TBCD: variants seen among roughly 807,000 people sequenced by gnomAD.
TBCD encodes the protein tubulin-specific chaperone D.
TBCD carries 105 observed loss-of-function variants against 169.3 expected under a neutral mutation model. The ratio of observed to expected loss-of-function variants is 0.62; its 90% CI spans 0.53 to 0.73. The LOEUF (loss-of-function observed/expected upper bound fraction) is 0.73. Ranked by LOEUF, TBCD falls within the 30% of genes least tolerant of loss-of-function variation. The probability of loss-of-function intolerance (pLI) is 0.00; values close to 1 mark genes in which losing one functional copy is unlikely to be tolerated. For missense variants in TBCD, 1,444 were observed against 1,600.1 expected, an observed-to-expected ratio of 0.90 and a Z score of 1.66; for synonymous variants, 700 against 643.9, an observed-to-expected ratio of 1.09 and a Z score of -1.32.
At chr17:82,778,184 G>T (rs2048720216) in intron 6 of TBCD, among the ~76,000 whole-genome samples, 1 of 152,206 alleles carries the variant, frequency 6.6e-6, no homozygotes, top group African/African-American at 2.4e-5. Context: ...TCTAAGATCT[G>T]TATCTGGTAT....
At chr17:82,809,886 A>C in intron 12 of TBCD, 104 bp downstream of exon 12, 4 of 1,013,614 alleles carry the variant, frequency 3.9e-6, no homozygotes, top group Non-Finnish European at 5.9e-6. Flanking sequence ...GCTGTTTGTC[A>C]GAACTCCAGA....
chr17:82,887,735 T>G (rs891523943), intron 15 of TBCD, among the ~76,000 whole-genome samples: 2 of 152,352 alleles, frequency 1.3e-5, no homozygotes, highest in Middle Eastern at 3.4e-3. Context: ...CCTGCCTTTC[T>G]CTGTCCTCGC....
chr17:82,760,288 A>T (rs1310408549), intron 2 of TBCD, among the ~76,000 whole-genome samples: 1 of 151,518 alleles, frequency 6.6e-6, no homozygotes. Context: ...TTATTTTATC[A>T]CTCTCCACCC....
At chr17:82,934,408 C>T (rs1440876744) in intron 34 of TBCD, among the ~76,000 whole-genome samples, 1 of 152,192 alleles carries the variant, frequency 6.6e-6, no homozygotes, top group Non-Finnish European at 1.5e-5. Flanking sequence ...GAACAGCCTC[C>T]ATGTTCACAG....
chr17:82,896,579 C>T (rs2059501764), intron 17 of TBCD, among the ~76,000 whole-genome samples: 1 of 151,942 alleles, frequency 6.6e-6, no homozygotes, highest in East Asian at 1.9e-4. Context: ...GATCCTCCCA[C>T]CTCAGCCTCC....
chr17:82,792,067 T>C (rs902391497), intron 7 of TBCD, among the ~76,000 whole-genome samples: 2 of 152,336 alleles, frequency 1.3e-5, no homozygotes, highest in Admixed American at 6.5e-5. Flanking sequence ...CCCAGCACTT[T>C]GGGAGGCCGA....
intron 13 of TBCD, among the ~76,000 whole-genome samples, chr17:82,857,708 C>A (rs76923396): frequency 0.043 from 6,394 of 149,586 alleles, 263 homozygotes; most frequent in African/African-American, 0.11. Context: ...GCCACAGGAG[C>A]CATACAAATG....
At chr17:82,853,555 A>G (rs769516671) in intron 13 of TBCD, among the ~76,000 whole-genome samples, 2 of 151,888 alleles carry the variant, frequency 1.3e-5, no homozygotes, top group Non-Finnish European at 2.9e-5. Context: ...GGTGTTTGCC[A>G]GCACACCCAG....
Position 82,930,475 on chromosome 17 carries a change from G to T in TBCD, c.2992-47G>T. The T allele has an allele frequency of 6.3e-7, 1 of 1,598,038 alleles. No homozygotes were observed. On this transcript the variant is annotated intron_variant, in intron 32 of 38. Coordinates refer to ENST00000355528, the MANE Select transcript of TBCD (RefSeq NM_005993.5). This position sits in a 1 kb window ranked among gnomAD's most constrained non-coding sequence, Gnocchi z 5.2. ...CGGCTGTAGCCAAGCCTGAGGGGTG[G>T]CAGGCTCGGGGGTCCCACTGCCTTC...
chr17:82,936,226 A>T (rs991990373), intron 34 of TBCD, among the ~76,000 whole-genome samples: 1 of 152,146 alleles, frequency 6.6e-6, no homozygotes, highest in Admixed American at 6.5e-5. Flanking sequence ...CCCGCCTGCC[A>T]GCTGCTGATT....
chr17:82,939,018 C>A (rs72861576), intron 36 of TBCD: 2 of 309,664 alleles, frequency 6.5e-6, no homozygotes, highest in Non-Finnish European at 1.2e-5. Context: ...TAATAGCAGG[C>A]GAGATTGCTT....
At chr17:82,756,303 T>C in intron 2 of TBCD, 88 bp downstream of exon 2, 1 of 1,345,506 alleles carries the variant, frequency 7.4e-7, no homozygotes, top group African/African-American at 1.5e-5. Flanking sequence ...GCATGTGCTT[T>C]GCCAGGATCA....
At chr17:82,843,411 A>T (rs1490148184) in intron 13 of TBCD, among the ~76,000 whole-genome samples, 52 of 44,942 alleles carry the variant, frequency 1.2e-3, no homozygotes, top group African/African-American at 2.4e-3. Context: ...TCCAGCTTAT[A>T]TACCCTTCCT....
At chr17:82,875,317 T>C (rs2057886426) in intron 14 of TBCD, among the ~76,000 whole-genome samples, 1 of 152,174 alleles carries the variant, frequency 6.6e-6, no homozygotes, top group Non-Finnish European at 1.5e-5. Flanking sequence ...AAGTGCAATT[T>C]AGGGGCAGTG....
At chr17:82,764,110 A>T in intron 3 of TBCD, 48 bp downstream of exon 3, 1 of 1,446,978 alleles carries the variant, frequency 6.9e-7, no homozygotes, top group Non-Finnish European at 9.6e-7. Context: ...TTTGTAATAT[A>T]CTTGGTCCAG....
chr17:82,830,983 A>G (rs747379861), intron 13 of TBCD: 4 of 1,613,690 alleles, frequency 2.5e-6, no homozygotes, highest in South Asian at 1.1e-5. Context: ...AACCAGAAAC[A>G]TTCCCTTGGA....
rs370475946 is a variant in TBCD, at chr17:82,831,704, C to T, written c.1318+16770C>T. On this transcript the variant is annotated intron_variant, in intron 13 of 38. Coordinates refer to ENST00000355528, the MANE Select transcript of TBCD (RefSeq NM_005993.5). The surrounding 1 kb of genome is among the most constrained non-coding windows in gnomAD (Gnocchi z 4.6). Reference sequence around the variant, plus strand: ...TAAGGCGAGTAGATGGTGGCCAGCCCGTGCTCTGTGTAAAAGTGAGGCGGG... The same window carrying T: ...TAAGGCGAGTAGATGGTGGCCAGCCTGTGCTCTGTGTAAAAGTGAGGCGGG... The T allele has an allele frequency of 1.5e-5, 25 of 1,613,946 alleles. No individual in the cohort carries two copies. The highest frequency in any genetic ancestry group is 3.3e-4 in the Middle Eastern group (2 of 6,084).
intron 14 of TBCD, among the ~76,000 whole-genome samples, chr17:82,877,597 C>T (rs960392660): frequency 6.6e-6 from 1 of 152,156 alleles, no homozygotes; most frequent in African/African-American, 2.4e-5. Context: ...ACCTTGGCCT[C>T]CCAAAGTGCT....
At chr17:82,846,311 G>GTGCCGTGTCCTCT (rs2055083489) in intron 13 of TBCD, among the ~76,000 whole-genome samples, 1 of 135,224 alleles carries the variant, frequency 7.4e-6, no homozygotes, top group African/African-American at 2.7e-5. Context: ...TCCACGTGCT[G>GTGCCGTGTCCTCT]CGTCCAGCGT....
Sources: gnomAD v4.1 joint callset for allele counts (sites outside exome capture counted in the v4.1 genomes callset) on GRCh38, gnomAD v4.1.1 for gene constraint, Gnocchi (gnomAD v3.1) non-coding constraint, MANE v1.5 for transcripts, NCBI Gene and HGNC (gene_info 2026-07-23, HGNC 2026-07-21) for gene names.